TMC2: variants seen among roughly 807,000 people sequenced by gnomAD.
TMC2 encodes transmembrane channel-like protein 2.
TMC2 carries 102 observed loss-of-function variants against 105.9 expected under a neutral mutation model. The observed-to-expected ratio is 0.96, with a 90% CI of 0.82 to 1.14. The LOEUF (loss-of-function observed/expected upper bound fraction) is 1.14, where lower values mean the gene tolerates loss of function less well. Among genes scored for constraint, TMC2 ranks in the 50% most tolerant of loss-of-function variants. The pLI is 0.00. For synonymous variants in TMC2, 402 were observed against 422.8 expected (o/e 0.95, Z 0.60); for missense variants, 1,093 against 1,134.3 (o/e 0.96, Z 0.52).
At chr20:2,549,378 A>G (rs2085943299) in intron 2 of TMC2, among the ~76,000 whole-genome samples, 1 of 152,184 alleles carries the variant, frequency 6.6e-6, no homozygotes, top group African/African-American at 2.4e-5. Flanking sequence ...ATCTTAATTC[A>G]GCCAATTAAA....
chr20:2,548,541 G>C (rs540077275), intron 2 of TMC2, among the ~76,000 whole-genome samples: 289 of 152,144 alleles, frequency 1.9e-3, no homozygotes, highest in African/African-American at 6.3e-3. Flanking sequence ...GGGAGGCTGA[G>C]GCAGGAGAAT....
chr20:2,623,343 G>A (rs532033113), intron 16 of TMC2, among the ~76,000 whole-genome samples: 1 of 152,106 alleles, frequency 6.6e-6, no homozygotes, highest in South Asian at 2.1e-4. Flanking sequence ...TTTGAGAGCA[G>A]CCTGGCCAAC....
chr20:2,560,207 A>C (rs574418759), intron 3 of TMC2, among the ~76,000 whole-genome samples: 38 of 152,134 alleles, frequency 2.5e-4, no homozygotes, highest in South Asian at 2.5e-3. Context: ...AAACTGTGGG[A>C]ACACCCTACG....
Position 2,572,198 on chromosome 20 carries a change from G to A in TMC2, c.574G>A (p.Glu192Lys), listed in dbSNP as rs138871219. The A allele has an allele frequency of 1.2e-6, 2 of 1,612,914 alleles. No individual in the cohort carries two copies. Among genetic ancestry groups the A allele is most frequent in the East Asian group, 2.2e-5 (1 of 44,870 alleles). The change falls in exon 5 of 20, where the codon GAG becomes AAG. Residue 192 changes from glutamate (E) to lysine (K), a missense_variant. Transcript: ENST00000358864. The part of the protein sequence containing the change: ...TELREAQEFV[E>K]KYEGALGKGK... Reference sequence around the variant, plus strand: ...AAGCAGGGAGGCCCAGGAATTTGTGGAGAAGTATGAAGGTGCCTTGGGAAA... The same window carrying A: ...AAGCAGGGAGGCCCAGGAATTTGTGAAGAAGTATGAAGGTGCCTTGGGAAA...
chr20:2,540,181 C>G (rs923929399), intron 2 of TMC2, among the ~76,000 whole-genome samples: 1 of 151,020 alleles, frequency 6.6e-6, no homozygotes, highest in African/African-American at 2.4e-5. Flanking sequence ...TAGTAGAGAC[C>G]GGGTTTCACC....
At position 2,558,432 on chromosome 20, in the gene TMC2, C is replaced by T; in HGVS notation, c.83-24C>T. On this transcript the variant is annotated intron_variant, in intron 2 of 19. Transcript: ENST00000358864. The surrounding 1 kb of genome is among the most constrained non-coding windows in gnomAD (Gnocchi z 4.6). ...GGGCCTGAGGCCGTTGGAACCAGAA[C>T]TGTCCATTTTCCCGCCCCGGCAGGT... is the stretch of plus-strand genomic sequence containing the variant. The T allele has an allele frequency of 2.6e-6, 4 of 1,551,092 alleles. No individual in the cohort carries two copies. Among genetic ancestry groups the T allele is most frequent in the Non-Finnish European group, 3.5e-6 (4 of 1,147,180 alleles).
intron 4 of TMC2, among the ~76,000 whole-genome samples, chr20:2,569,503 A>C (rs919128877): frequency 2.0e-5 from 3 of 152,142 alleles, no homozygotes; most frequent in African/African-American, 7.2e-5. Context: ...TTCAACTTAC[A>C]ATTTTTTACT....
rs2085998144 is a variant in TMC2, at chr20:2,558,420, T to C, written c.83-36T>C. 6.5e-7 allele frequency: 1 copy of C among 1,549,448 alleles called. No homozygotes were observed. The highest frequency in any genetic ancestry group is 1.2e-5 in the South Asian group (1 of 83,966). On this transcript the variant is annotated intron_variant, in intron 2 of 19. Coordinates refer to ENST00000358864, the MANE Select transcript of TMC2 (RefSeq NM_080751.3). This position sits in a 1 kb window ranked among gnomAD's most constrained non-coding sequence, Gnocchi z 4.6. ...GGACATTTTCCTGGGCCTGAGGCCG[T>C]TGGAACCAGAACTGTCCATTTTCCC...
intron 11 of TMC2, among the ~76,000 whole-genome samples, chr20:2,605,783 G>A (rs960723566): frequency 2.0e-5 from 3 of 152,176 alleles, no homozygotes; most frequent in Admixed American, 6.5e-5. Flanking sequence ...GGCATTCAAG[G>A]TATGGGTGAA....
Position 2,592,446 on chromosome 20 carries a change from A to AT in TMC2, c.933+40dup. ...ACATGCCAATGAACTTCCATTTGTG[A>AT]TTATAAAGGCTAAAGATTGCATGGA... On this transcript the variant is annotated intron_variant, in intron 8 of 19. Transcript: ENST00000358864. The surrounding 1 kb of genome is among the most constrained non-coding windows in gnomAD (Gnocchi z 4.9). 7.4e-7 allele frequency: 1 copy of AT among 1,358,708 alleles called. No homozygotes were observed. The highest frequency in any genetic ancestry group is 1.1e-6 in the Non-Finnish European group (1 of 946,998). 84.2% of individuals were successfully genotyped at this position (1,358,708 alleles called of 1,614,324 possible).
intron 5 of TMC2, among the ~76,000 whole-genome samples, chr20:2,574,521 T>G (rs1412267597): frequency 6.6e-6 from 1 of 152,224 alleles, no homozygotes; most frequent in Non-Finnish European, 1.5e-5. Flanking sequence ...CGAGAGCCAT[T>G]TTTATAGAAT....
chr20:2,608,131 A>AAG (rs1465022499), intron 11 of TMC2, among the ~76,000 whole-genome samples: 7 of 147,624 alleles, frequency 4.7e-5, no homozygotes, highest in African/African-American at 1.6e-4. Context: ...TTAAAAAAAA[A>AAG]AAAAAGAAAA....
Position 2,592,112 on chromosome 20 carries a change from A to G in TMC2, c.835-198A>G, listed in dbSNP as rs1461118653. Among the ~76,000 whole-genome samples, 2 of 152,216 alleles carry G rather than the reference A, an allele frequency of 1.3e-5. No individual in the cohort carries two copies. Among genetic ancestry groups the G allele is most frequent in the African/African-American group, 4.8e-5 (2 of 41,462 alleles). ...GGTTACAGTAAGCTGAGACTGTGCTATTGCACTCCAGCCTGGGTGACAAGA... is the reference window on the plus strand; with the variant it reads ...GGTTACAGTAAGCTGAGACTGTGCTGTTGCACTCCAGCCTGGGTGACAAGA... On this transcript the variant is annotated intron_variant, in intron 7 of 19. Transcript: ENST00000358864. This position sits in a 1 kb window ranked among gnomAD's most constrained non-coding sequence, Gnocchi z 4.9.
intron 19 of TMC2, among the ~76,000 whole-genome samples, chr20:2,638,108 G>A (rs541237842): frequency 2.4e-4 from 37 of 152,300 alleles, no homozygotes; most frequent in African/African-American, 8.7e-4. Context: ...TTGGGAGGCC[G>A]ACGCGGGCGG....
Position 2,619,840 on chromosome 20 carries a change from G to C in TMC2, c.2180+2529G>C, listed in dbSNP as rs74999196. Among the ~76,000 whole-genome samples the C allele has an allele frequency of 2.2e-3, 342 of 152,270 alleles. 1 individual carries two copies. The highest frequency in any genetic ancestry group is 7.8e-3 in the African/African-American group (323 of 41,548). ...TTTTCTCAGCTTCCCATCTGTCACTGGGTAGGAGGTCAGCAGGGACAATTA... is the reference window on the plus strand; with the variant it reads ...TTTTCTCAGCTTCCCATCTGTCACTCGGTAGGAGGTCAGCAGGGACAATTA... On this transcript the variant is annotated intron_variant, in intron 16 of 19. Transcript: ENST00000358864.
intron 17 of TMC2, among the ~76,000 whole-genome samples, chr20:2,633,603 G>A (rs2086619883): frequency 6.6e-6 from 1 of 152,236 alleles, no homozygotes; most frequent in Non-Finnish European, 1.5e-5. Context: ...ATAGCCTTGT[G>A]AGTAGTATCA....
chr20:2,612,157 C>G, intron 12 of TMC2, 34 bp from the exon 13 acceptor site: 3 of 1,565,070 alleles, frequency 1.9e-6, no homozygotes, highest in Non-Finnish European at 1.7e-6. Context: ...ATCCCTAGCT[C>G]CTTCCTACCC....
In TMC2 at chr20:2,641,414, T is replaced by C. The variant is rs1175644255; in HGVS notation, c.*63T>C. 6 of 1,051,420 alleles carry C rather than the reference T, an allele frequency of 5.7e-6. No individual in the cohort carries two copies. Among genetic ancestry groups the C allele is most frequent in the African/African-American group, 1.6e-5 (1 of 63,212 alleles). The allele number at this position is 1,051,420 out of a possible 1,614,324, so 65.1% of individuals were successfully genotyped here. On this transcript the variant is annotated 3_prime_UTR_variant, in exon 20 of 20. Coordinates refer to ENST00000358864, the MANE Select transcript of TMC2 (RefSeq NM_080751.3). ...TCCTCAAGTACCCCAGTTTCACACA[T>C]ACCAAACCAAGGTTCTCTCCCCTCT...
chr20:2,579,426 T>TTTTA lies in TMC2; in HGVS notation c.727+207_727+210dup, dbSNP rs1258900186. Among the ~76,000 whole-genome samples, 9 of 148,478 alleles carry TTTTA rather than the reference T, an allele frequency of 6.1e-5. No homozygotes were observed. The East Asian group carries it at 1.4e-3, about 23-fold the overall frequency. ...TTTATTTATTTATTTATTTATTTAT[T>TTTTA]TTTATTTATTTTTGAGACAGAGTCT... On this transcript the variant is annotated intron_variant, in intron 6 of 19. Coordinates refer to ENST00000358864, the MANE Select transcript of TMC2 (RefSeq NM_080751.3).
Sources: gnomAD v4.1 joint callset for allele counts (sites outside exome capture counted in the v4.1 genomes callset) on GRCh38, gnomAD v4.1.1 for gene constraint, Gnocchi (gnomAD v3.1) non-coding constraint, MANE v1.5 for transcripts, NCBI Gene and HGNC (gene_info 2026-07-23, HGNC 2026-07-21) for gene names.